Variants in NFIB observed in about 807,000 individuals in gnomAD.
NFIB encodes the protein nuclear factor 1 B-type.
NFIB carries 11 observed loss-of-function variants against 61.5 expected under a neutral mutation model. That is an observed-to-expected ratio of 0.18 (90% CI 0.11 to 0.30). The LOEUF (loss-of-function observed/expected upper bound fraction) is 0.30. Among genes scored for constraint, NFIB ranks in the 10% least tolerant of loss-of-function variants. NFIB has a pLI of 1.00. For missense variants in NFIB, 471 were observed against 608.9 expected, an observed-to-expected ratio of 0.77 and a Z score of 2.38; for synonymous variants, 260 against 216.5, an observed-to-expected ratio of 1.20 and a Z score of -1.76.
chr9:14,477,897 T>C, the NFIB span, among the ~76,000 whole-genome samples: 4 of 152,202 alleles, frequency 2.6e-5, no homozygotes, highest in Non-Finnish European at 4.4e-5. Context: ...ACTGTATTTG[T>C]AATCCTGATG....
chr9:14,113,218 C>T, intron 9 of NFIB, 137 bp from the exon 10 acceptor site: 2 of 646,634 alleles, frequency 3.1e-6, no homozygotes, highest in South Asian at 2.2e-5. Context: ...TCTCTTTTGT[C>T]TGAGTGAACA....
At chr9:14,241,441 T>C (rs566680764) in intron 2 of NFIB, among the ~76,000 whole-genome samples, 2 of 152,144 alleles carry the variant, frequency 1.3e-5, no homozygotes, top group Non-Finnish European at 2.9e-5. Flanking sequence ...TTAATTTTCC[T>C]AGGGCACGTA....
rs2119148666 is a variant in NFIB at position 14,120,349 on chromosome 9, CAG to C, written c.1245+89_1245+90del. 1 of 1,368,794 alleles carries C rather than the reference CAG, an allele frequency of 7.3e-7. No homozygotes were observed. The highest frequency in any genetic ancestry group is 2.3e-5 in the East Asian group (1 of 43,618). The allele number at this position is 1,368,794 out of a possible 1,614,324, so 84.8% of individuals were successfully genotyped here. ...TGGATTTCAAGGCTTGACGTTCTGC[CAG>C]ACACACTGTCTGACTAACCTTTGTG... On this transcript the variant is annotated intron_variant, in intron 8 of 10. Coordinates refer to ENST00000380953, the MANE Select transcript of NFIB (RefSeq NM_001190737.2). The surrounding 1 kb of genome is among the most constrained non-coding windows in gnomAD (Gnocchi z 4.4).
intron 2 of NFIB, among the ~76,000 whole-genome samples, chr9:14,305,208 C>G (rs1438617077): frequency 6.6e-6 from 1 of 152,130 alleles, no homozygotes; most frequent in African/African-American, 2.4e-5. Context: ...AGCTGGCTGC[C>G]TTCCCCAGGA....
the NFIB span, among the ~76,000 whole-genome samples, chr9:14,492,407 A>T: frequency 6.7e-6 from 1 of 148,946 alleles, no homozygotes; most frequent in Non-Finnish European, 1.5e-5. Context: ...AAAAATAAAA[A>T]GAAATAAATA....
At chr9:14,151,046 C>A (rs144919303) in intron 4 of NFIB, among the ~76,000 whole-genome samples, 2 of 152,038 alleles carry the variant, frequency 1.3e-5, no homozygotes, top group Admixed American at 6.6e-5. Flanking sequence ...AGATAAATAG[C>A]CTTTTAGTTT....
At chr9:14,525,017 C>T in the NFIB span, among the ~76,000 whole-genome samples, 1 of 152,118 alleles carries the variant, frequency 6.6e-6, no homozygotes, top group Non-Finnish European at 1.5e-5. Context: ...AATTTCTTTC[C>T]AAAAAATTTC....
rs900981335 is a variant in NFIB at position 14,157,667 on chromosome 9, A to C, written c.617-1774T>G. On this transcript the variant is annotated intron_variant, in intron 3 of 10. Coordinates refer to ENST00000380953, the MANE Select transcript of NFIB (RefSeq NM_001190737.2). Reference sequence around the variant, plus strand: ...AGTAACAATCACTGTACAAGGTGCTAAAAGTCATGAATACAAAAAAGGACA... The same window carrying C: ...AGTAACAATCACTGTACAAGGTGCTCAAAGTCATGAATACAAAAAAGGACA... 2.0e-5 allele frequency among the ~76,000 whole-genome samples: 3 copies of C among 152,298 alleles called. No homozygotes were observed. The South Asian group carries it at 6.2e-4, about 32-fold the overall frequency.
chr9:14,494,070 G>A, the NFIB span, among the ~76,000 whole-genome samples: 7,141 of 152,226 alleles, frequency 0.047, 196 homozygotes, highest in Middle Eastern at 0.071. Context: ...TTAGGCGAGG[G>A]GGTTTTCTGG....
chr9:14,466,194 G>A, the NFIB span, among the ~76,000 whole-genome samples: 1 of 152,188 alleles, frequency 6.6e-6, no homozygotes. Flanking sequence ...TGTCTGGGAT[G>A]GTGCAAGCTG....
At chr9:14,430,928 A>T in the NFIB span, among the ~76,000 whole-genome samples, 1 of 152,140 alleles carries the variant, frequency 6.6e-6, no homozygotes, top group South Asian at 2.1e-4. Flanking sequence ...TTTTTGTAAG[A>T]TTATATCATA....
intron 2 of NFIB, among the ~76,000 whole-genome samples, chr9:14,210,599 T>C (rs2050205994): frequency 6.6e-6 from 1 of 151,892 alleles, no homozygotes. Flanking sequence ...TAACCAAATA[T>C]AAATAGCATC....
At chr9:14,207,465 A>G (rs531494114) in intron 2 of NFIB, among the ~76,000 whole-genome samples, 40 of 152,316 alleles carry the variant, frequency 2.6e-4, no homozygotes, top group African/African-American at 9.6e-4. Context: ...TGGGAGGAGG[A>G]TGAGACCAGA....
At chr9:14,312,369 T>C (rs2060320346) in intron 1 of NFIB, among the ~76,000 whole-genome samples, 1 of 152,232 alleles carries the variant, frequency 6.6e-6, no homozygotes. Flanking sequence ...GACACTTCTT[T>C]ATATGACTAG....
chr9:14,127,000 T>C (rs1428637056), intron 6 of NFIB, among the ~76,000 whole-genome samples: 1 of 152,166 alleles, frequency 6.6e-6, no homozygotes, highest in African/African-American at 2.4e-5. Flanking sequence ...ATTGCAAAGG[T>C]GCTGTGATAG....
At chr9:14,415,238 C>T in the NFIB span, among the ~76,000 whole-genome samples, 1 of 152,154 alleles carries the variant, frequency 6.6e-6, no homozygotes, top group African/African-American at 2.4e-5. Context: ...TCCCAGAGGC[C>T]ACCATGGTTG....
intron 2 of NFIB, among the ~76,000 whole-genome samples, chr9:14,243,611 T>A (rs78004913): frequency 0.092 from 13,908 of 151,470 alleles, 2,064 homozygotes; most frequent in African/African-American, 0.31. Flanking sequence ...GGGTATTTTT[T>A]AAAAAAAAAG....
At chr9:14,108,445 T>C (rs2036880555) in intron 10 of NFIB, among the ~76,000 whole-genome samples, 1 of 152,148 alleles carries the variant, frequency 6.6e-6, no homozygotes, top group African/African-American at 2.4e-5. Context: ...AAAGGCCATT[T>C]TGTGTAACAG....
chr9:14,325,860 A>G (rs1219813880), intron 1 of NFIB, among the ~76,000 whole-genome samples: 1 of 152,108 alleles, frequency 6.6e-6, no homozygotes, highest in Non-Finnish European at 1.5e-5. Flanking sequence ...TACATAATGT[A>G]TTTTTGAATA....
Sources: gnomAD v4.1 joint callset for allele counts (sites outside exome capture counted in the v4.1 genomes callset) on GRCh38, gnomAD v4.1.1 for gene constraint, Gnocchi (gnomAD v3.1) non-coding constraint, MANE v1.5 for transcripts, NCBI Gene and HGNC (gene_info 2026-07-23, HGNC 2026-07-21) for gene names.